The following DMXL2 variants were observed in gnomAD, a reference collection of about 807,000 sequenced individuals.
DMXL2 encodes the protein Dmx like 2.
DMXL2 carries 103 observed loss-of-function variants against 331.1 expected under a neutral mutation model. That is an observed-to-expected ratio of 0.31 (90% confidence interval 0.27 to 0.37). The LOEUF (loss-of-function observed/expected upper bound fraction) is 0.37. Among genes scored for constraint, DMXL2 ranks in the 10% least tolerant of loss-of-function variants. The probability of loss-of-function intolerance (pLI) is 1.00; values close to 1 mark genes in which losing one functional copy is unlikely to be tolerated. For synonymous variants in DMXL2, 1,281 were observed against 1,252.1 expected (o/e 1.02, Z -0.49); for missense variants, 3,171 against 3,642.9 (o/e 0.87, Z 3.33).
Position 51,493,952 on chromosome 15 carries a change from T to C in DMXL2, c.4783+1072A>G, listed in dbSNP as rs115978846. ...TTTGTTTTCAATTTTTGTTGGTACG[T>C]AGTACGTGTATACAAACTTCTGGGA... On this transcript the variant is annotated intron_variant, in intron 19 of 43. Transcript: ENST00000560891. 3.4e-3 allele frequency among the ~76,000 whole-genome samples: 520 copies of C among 152,304 alleles called. 4 individuals carry two copies. Among genetic ancestry groups the C allele is most frequent in the African/African-American group, 0.012 (513 of 41,560 alleles).
At chr15:51,607,169 A>G (rs2053644560) in intron 1 of DMXL2, among the ~76,000 whole-genome samples, 1 of 151,946 alleles carries the variant, frequency 6.6e-6, no homozygotes, top group East Asian at 1.9e-4. Flanking sequence ...CCACCAAAAA[A>G]AAAAAGGCCG....
At chr15:51,558,430 G>A (rs1368538982) in intron 6 of DMXL2, among the ~76,000 whole-genome samples, 1 of 151,988 alleles carries the variant, frequency 6.6e-6, no homozygotes, top group Non-Finnish European at 1.5e-5. Flanking sequence ...TTTCATAAAT[G>A]CTAATTGAAA....
chr15:51,521,981 C>A (rs2047406587), intron 13 of DMXL2, among the ~76,000 whole-genome samples: 1 of 152,100 alleles, frequency 6.6e-6, no homozygotes, highest in African/African-American at 2.4e-5. Context: ...ACTATACCAC[C>A]CTATCTTTCA....
intron 1 of DMXL2, among the ~76,000 whole-genome samples, chr15:51,596,489 C>G (rs1395440038): frequency 6.6e-6 from 1 of 152,186 alleles, no homozygotes. Flanking sequence ...TAAACTAGTT[C>G]GACCATTGTG....
At chr15:51,601,664 A>T (rs542572431) in intron 1 of DMXL2, among the ~76,000 whole-genome samples, 2 of 152,174 alleles carry the variant, frequency 1.3e-5, no homozygotes, top group African/African-American at 4.8e-5. Flanking sequence ...TACAACTTTT[A>T]TAAGTCTTGA....
intron 15 of DMXL2, among the ~76,000 whole-genome samples, chr15:51,507,622 G>T (rs2046486871): frequency 6.6e-6 from 1 of 152,072 alleles, no homozygotes; most frequent in African/African-American, 2.4e-5. Context: ...AGGAAAGAAA[G>T]CAGCAGCAGA....
At chr15:51,469,884 A>G (rs189477139) in intron 29 of DMXL2, among the ~76,000 whole-genome samples, 3 of 152,258 alleles carry the variant, frequency 2.0e-5, no homozygotes, top group Admixed American at 1.3e-4. Flanking sequence ...CTCTGGAAGT[A>G]TAACTCGGAC....
chr15:51,501,474 C>T lies in DMXL2; in HGVS notation c.2993-1243G>A, dbSNP rs549221779. ...GAGTATCTGCCAACTGTTGTTCAAA[C>T]ATTCTTAATAAAGGTGAGACGTGAT... On this transcript the variant is annotated intron_variant, in intron 17 of 43. Coordinates refer to ENST00000560891, the MANE Select transcript of DMXL2 (RefSeq NM_001378457.1). Among the ~76,000 whole-genome samples, 196 of 152,230 alleles carry T rather than the reference C, an allele frequency of 1.3e-3. 1 individual carries two copies. The highest frequency in any genetic ancestry group is 4.6e-3 in the African/African-American group (190 of 41,524).
chr15:51,547,816 T>G (rs1435900199), intron 6 of DMXL2, among the ~76,000 whole-genome samples: 1 of 152,150 alleles, frequency 6.6e-6, no homozygotes, highest in Non-Finnish European at 1.5e-5. Flanking sequence ...CCCTTCACCC[T>G]TCACCTCACG....
At chr15:51,528,345 A>G (rs938496153) in intron 13 of DMXL2, among the ~76,000 whole-genome samples, 2 of 152,172 alleles carry the variant, frequency 1.3e-5, no homozygotes, top group African/African-American at 4.8e-5. Context: ...CTTCACACAT[A>G]AAGACACACA....
intron 1 of DMXL2, among the ~76,000 whole-genome samples, chr15:51,604,280 A>AAC (rs544412148): frequency 0.011 from 1,681 of 151,452 alleles, 34 homozygotes; most frequent in African/African-American, 0.039. Flanking sequence ...TCTATAAAAA[A>AAC]AAAACCTAGT....
intron 5 of DMXL2, 88 bp from the exon 6 acceptor site, chr15:51,563,535 A>G (rs1237521335): frequency 8.5e-6 from 7 of 819,530 alleles, no homozygotes; most frequent in Non-Finnish European, 1.3e-5. Context: ...TTGTAACATC[A>G]AAGTCAGAAT....
At chr15:51,478,515 C>T (rs983703518) in intron 25 of DMXL2, among the ~76,000 whole-genome samples, 168 bp from the exon 26 acceptor site, 5 of 152,128 alleles carry the variant, frequency 3.3e-5, no homozygotes, top group Non-Finnish European at 7.4e-5. Flanking sequence ...CTGTCACCCA[C>T]CTTTATACAC....
In DMXL2 at chr15:51,448,943, G is replaced by T. The variant is rs766535863; in HGVS notation, c.*41C>A. On this transcript the variant is annotated 3_prime_UTR_variant, in exon 44 of 44. Transcript: ENST00000560891. ...AATTGCCTAGTGATGACTGTAGTGTGCCTTTTAACTGAAATGTATATAAAA... is the reference window on the plus strand; with the variant it reads ...AATTGCCTAGTGATGACTGTAGTGTTCCTTTTAACTGAAATGTATATAAAA... 12 of 1,578,066 alleles carry T rather than the reference G, an allele frequency of 7.6e-6. No individual in the cohort carries two copies. The highest frequency in any genetic ancestry group is 1.0e-5 in the Non-Finnish European group (12 of 1,153,058).
At chr15:51,606,832 AC>A (rs1332607282) in intron 1 of DMXL2, among the ~76,000 whole-genome samples, 1 of 152,212 alleles carries the variant, frequency 6.6e-6, no homozygotes, top group African/African-American at 2.4e-5. Flanking sequence ...TTAGAAAAAA[AC>A]ATCTAGAATG....
At chr15:51,619,225 C>T (rs1386727577) in intron 1 of DMXL2, among the ~76,000 whole-genome samples, 1 of 152,094 alleles carries the variant, frequency 6.6e-6, no homozygotes, top group Non-Finnish European at 1.5e-5. Context: ...TAATAAAGCT[C>T]ATACACGGGA....
chr15:51,457,406 G>A lies in DMXL2; in HGVS notation c.8259C>T (p.Ser2753=). 2 of 1,614,200 alleles carry A rather than the reference G, an allele frequency of 1.2e-6. No individual in the cohort carries two copies. The highest frequency in any genetic ancestry group is 1.3e-5 in the African/African-American group (1 of 75,060). The change falls in exon 37 of 44, where the codon TCC becomes TCT. Residue 2753 remains serine (S), a synonymous_variant. Transcript: ENST00000560891. The part of the protein sequence containing the change: ...TTTLYQPSAT[S]YSASQVHPPS... ...GTGGATGCACCTGACTTGCTGAATA[G>A]GATGTTGCACTGGGTTGATAAAGAG... is the stretch of plus-strand genomic sequence containing the variant.
At chr15:51,603,867 GA>G (rs960921827) in intron 1 of DMXL2, among the ~76,000 whole-genome samples, 283 of 138,668 alleles carry the variant, frequency 2.0e-3, no homozygotes, top group African/African-American at 6.6e-3. Flanking sequence ...GACTCCGTCT[GA>G]AAAAAAAAAA....
intron 23 of DMXL2, among the ~76,000 whole-genome samples, chr15:51,481,940 C>CA (rs1252238707): frequency 3.9e-5 from 6 of 152,116 alleles, no homozygotes; most frequent in African/African-American, 1.2e-4. Context: ...AATACACACT[C>CA]ATGCATATTG....
Sources: gnomAD v4.1 joint callset for allele counts (sites outside exome capture counted in the v4.1 genomes callset) on GRCh38, gnomAD v4.1.1 for gene constraint, MANE v1.5 for transcripts, NCBI Gene and HGNC (gene_info 2026-07-23, HGNC 2026-07-21) for gene names.